Variants in CAST observed in about 807,000 individuals in gnomAD.
CAST encodes the protein MIR583 host.
CAST carries 76 observed loss-of-function variants against 119.6 expected under a neutral mutation model. The observed-to-expected ratio is 0.64, with a 90% confidence interval of 0.53 to 0.77. The LOEUF is 0.77. Among genes scored for constraint, CAST ranks in the 30% least tolerant of loss-of-function variants. CAST has a pLI of 0.00. For missense variants in CAST, 953 were observed against 946.5 expected (o/e 1.01, Z -0.09); for synonymous variants, 319 against 331.6 (o/e 0.96, Z 0.41).
chr5:96,129,194 T>A, the CAST span, among the ~76,000 whole-genome samples: 2 of 152,162 alleles, frequency 1.3e-5, no homozygotes, highest in African/African-American at 4.8e-5. Flanking sequence ...CTAGACCAGA[T>A]ATACTGTGCA....
chr5:96,110,359 C>T, the CAST span, among the ~76,000 whole-genome samples: 1 of 152,088 alleles, frequency 6.6e-6, no homozygotes, highest in African/African-American at 2.4e-5. Flanking sequence ...CAAAATCAAT[C>T]AATAAAGATA....
chr5:96,654,447 A>T (rs1435638802), intron 1 of CAST, among the ~76,000 whole-genome samples: 1 of 152,116 alleles, frequency 6.6e-6, no homozygotes, highest in African/African-American at 2.4e-5. Context: ...AAGCAAAAAA[A>T]CCTCACGTGT....
intron 3 of CAST, among the ~76,000 whole-genome samples, chr5:96,716,920 C>T (rs945339353): frequency 6.6e-6 from 1 of 152,152 alleles, no homozygotes. Flanking sequence ...CTTAATTGAC[C>T]TCCCATGGAG....
At chr5:96,138,844 T>C in the CAST span, among the ~76,000 whole-genome samples, 1 of 152,054 alleles carries the variant, frequency 6.6e-6, no homozygotes, top group East Asian at 1.9e-4. Flanking sequence ...TTTGGGATTT[T>C]CTACATGGAC....
chr5:96,596,183 AT>A (rs933655210), intron 1 of CAST, among the ~76,000 whole-genome samples: 2 of 152,212 alleles, frequency 1.3e-5, no homozygotes, highest in Non-Finnish European at 2.9e-5. Flanking sequence ...AGATGGGTAG[AT>A]TGTCCTGGAT....
chr5:96,501,143 G>T, the CAST span, among the ~76,000 whole-genome samples: 2 of 152,160 alleles, frequency 1.3e-5, no homozygotes, highest in African/African-American at 4.8e-5. Context: ...AGATTAAAAA[G>T]TTATGGGTCG....
chr5:96,052,790 G>T, the CAST span, among the ~76,000 whole-genome samples: 1 of 152,300 alleles, frequency 6.6e-6, no homozygotes, highest in African/African-American at 2.4e-5. Flanking sequence ...ATGTGATTAG[G>T]TCTATTTATT....
the CAST span, among the ~76,000 whole-genome samples, chr5:96,138,833 CTTTGGGAT>C: frequency 1.3e-5 from 2 of 151,732 alleles, no homozygotes; most frequent in Admixed American, 1.3e-4. Context: ...ATTGTTGTTT[CTTTGGGAT>C]TTTCTACATG....
At chr5:96,422,266 T>C in the CAST span, among the ~76,000 whole-genome samples, 1 of 152,096 alleles carries the variant, frequency 6.6e-6, no homozygotes, top group Non-Finnish European at 1.5e-5. Flanking sequence ...GTCATCTCAG[T>C]TTTCAGATGA....
At chr5:96,388,881 A>G in the CAST span, among the ~76,000 whole-genome samples, 3,725 of 152,200 alleles carry the variant, frequency 0.024, 76 homozygotes, top group Non-Finnish European at 0.034. Context: ...TTCTGTATAT[A>G]TATATACATA....
At chr5:96,420,576 A>G in the CAST span, among the ~76,000 whole-genome samples, 1 of 152,116 alleles carries the variant, frequency 6.6e-6, no homozygotes, top group Non-Finnish European at 1.5e-5. Flanking sequence ...ATTTTCCCCA[A>G]GGAAGAAATA....
chr5:96,050,820 A>AT, the CAST span, among the ~76,000 whole-genome samples: 374 of 152,284 alleles, frequency 2.5e-3, no homozygotes, highest in Non-Finnish European at 3.5e-3. Flanking sequence ...AGGGAGACCG[A>AT]TGGGCGAGTA....
the CAST span, among the ~76,000 whole-genome samples, chr5:96,097,237 A>G: frequency 6.6e-6 from 1 of 151,668 alleles, no homozygotes; most frequent in African/African-American, 2.4e-5. Context: ...TAGTTATAAT[A>G]TTAGCCTTTT....
At chr5:96,145,294 A>C in the CAST span, among the ~76,000 whole-genome samples, 1 of 152,216 alleles carries the variant, frequency 6.6e-6, no homozygotes, top group Non-Finnish European at 1.5e-5. Context: ...TACTACATTT[A>C]GGGATAAATG....
chr5:96,389,303 A>G, the CAST span, among the ~76,000 whole-genome samples: 2 of 152,182 alleles, frequency 1.3e-5, no homozygotes, highest in African/African-American at 4.8e-5. Context: ...GGATATGTTA[A>G]TTTGCTTGAC....
At chr5:96,440,583 T>C in the CAST span, among the ~76,000 whole-genome samples, 1 of 151,556 alleles carries the variant, frequency 6.6e-6, no homozygotes, top group Non-Finnish European at 1.5e-5. Flanking sequence ...GGGAGGTGGG[T>C]AGGATAAATG....
chr5:96,347,949 C>T, the CAST span, among the ~76,000 whole-genome samples: 1 of 152,254 alleles, frequency 6.6e-6, no homozygotes, highest in Middle Eastern at 3.4e-3. Flanking sequence ...ACAAAACCCC[C>T]AAACCCCAAT....
the CAST span, among the ~76,000 whole-genome samples, chr5:96,368,611 G>A: frequency 6.6e-6 from 1 of 152,018 alleles, no homozygotes; most frequent in African/African-American, 2.4e-5. Flanking sequence ...GCTCCAGTAG[G>A]AAGTGGCTGA....
At chr5:96,393,092 T>G in the CAST span, 1 of 1,613,980 alleles carries the variant, frequency 6.2e-7, no homozygotes, top group African/African-American at 1.3e-5. Context: ...AACATCAACA[T>G]AGTCATTATA....
Sources: gnomAD v4.1 joint callset for allele counts (sites outside exome capture counted in the v4.1 genomes callset) on GRCh38, gnomAD v4.1.1 for gene constraint, MANE v1.5 for transcripts, NCBI Gene and HGNC (gene_info 2026-07-23, HGNC 2026-07-21) for gene names.